PDGFRL: variants seen among roughly 807,000 people sequenced by gnomAD.
The protein encoded by PDGFRL is platelet-derived growth factor receptor-like protein.
Under a neutral mutation model 37.2 loss-of-function variants are expected in PDGFRL, and 46 were observed. The observed-to-expected ratio is 1.24, with a 90% CI of 0.98 to 1.58. The LOEUF (loss-of-function observed/expected upper bound fraction) is 1.58, where lower values mean the gene tolerates loss of function less well. PDGFRL is among the 40% of genes most tolerant of loss of function. PDGFRL has a pLI of 0.00. For synonymous variants in PDGFRL, 251 were observed against 184.3 expected (o/e 1.36, Z -2.93); for missense variants, 692 against 467.6 (o/e 1.48, Z -4.43).
At chr8:17,582,578 C>T (rs1470197669) in intron 1 of PDGFRL, among the ~76,000 whole-genome samples, 2 of 27,950 alleles carry the variant, frequency 7.2e-5, no homozygotes, top group Admixed American at 6.5e-4. Context: ...GAGACTCTGT[C>T]TCAAAAAAAA....
intron 5 of PDGFRL, among the ~76,000 whole-genome samples, chr8:17,641,159 G>C (rs1336298197): frequency 1.3e-5 from 2 of 152,144 alleles, no homozygotes; most frequent in Non-Finnish European, 2.9e-5. Flanking sequence ...CTAGGCAGTG[G>C]ATGAGCAGGG....
intron 2 of PDGFRL, 109 bp from the exon 3 acceptor site, chr8:17,620,942 G>A (rs1804617272): frequency 1.7e-6 from 1 of 581,398 alleles, no homozygotes; most frequent in Non-Finnish European, 2.8e-6. Flanking sequence ...TATGACATCG[G>A]AGAAAGATTG....
intron 2 of PDGFRL, among the ~76,000 whole-genome samples, chr8:17,593,775 C>A (rs1803993082): frequency 6.6e-6 from 1 of 151,714 alleles, no homozygotes; most frequent in South Asian, 2.1e-4. Flanking sequence ...ACTGTAATTC[C>A]AGCTAGGGAG....
chr8:17,594,332 C>T (rs1036046175), intron 2 of PDGFRL, among the ~76,000 whole-genome samples: 4 of 151,204 alleles, frequency 2.6e-5, no homozygotes, highest in African/African-American at 9.7e-5. Context: ...CTTCCGCCTC[C>T]CAGGTTCAAG....
At chr8:17,637,188 T>C (rs888189997) in intron 5 of PDGFRL, among the ~76,000 whole-genome samples, 1 of 152,248 alleles carries the variant, frequency 6.6e-6, no homozygotes, top group Non-Finnish European at 1.5e-5. Flanking sequence ...GTTGCAGTTC[T>C]CAGGGGAAAT....
intron 1 of PDGFRL, among the ~76,000 whole-genome samples, chr8:17,582,905 C>T (rs1365733093): frequency 6.6e-6 from 1 of 152,132 alleles, no homozygotes; most frequent in Non-Finnish European, 1.5e-5. Flanking sequence ...TGCTGCTCTT[C>T]TGCCGTGCAC....
chr8:17,590,207 C>T (rs563362117), intron 2 of PDGFRL, among the ~76,000 whole-genome samples: 5 of 80,966 alleles, frequency 6.2e-5, no homozygotes, highest in African/African-American at 1.8e-4. Flanking sequence ...CTCCATCCAG[C>T]CTGGGTGACA....
chr8:17,581,712 T>C (rs1803712117), intron 1 of PDGFRL, among the ~76,000 whole-genome samples: 1 of 152,164 alleles, frequency 6.6e-6, no homozygotes, highest in Non-Finnish European at 1.5e-5. Flanking sequence ...CTAGTTATCG[T>C]TGCCCTCTGC....
At chr8:17,604,657 G>C (rs1804234912) in intron 2 of PDGFRL, among the ~76,000 whole-genome samples, 1 of 152,060 alleles carries the variant, frequency 6.6e-6, no homozygotes, top group Admixed American at 6.6e-5. Context: ...AATGGGTGCA[G>C]CATACCAGCA....
chr8:17,617,037 G>A (rs1804544578), intron 2 of PDGFRL, among the ~76,000 whole-genome samples: 1 of 152,188 alleles, frequency 6.6e-6, no homozygotes, highest in African/African-American at 2.4e-5. Flanking sequence ...AGCAGCCTGG[G>A]CTAAATACAG....
chr8:17,598,057 A>C (rs368788951), intron 2 of PDGFRL, among the ~76,000 whole-genome samples: 1 of 152,230 alleles, frequency 6.6e-6, no homozygotes, highest in Non-Finnish European at 1.5e-5. Flanking sequence ...TATTATATAA[A>C]TAACTTGATC....
chr8:17,616,494 C>T (rs1282547281), intron 2 of PDGFRL, among the ~76,000 whole-genome samples: 1 of 152,170 alleles, frequency 6.6e-6, no homozygotes, highest in Non-Finnish European at 1.5e-5. Flanking sequence ...GCGCCTGGCC[C>T]AAGTTCATGA....
chr8:17,607,348 C>T (rs143832830), intron 2 of PDGFRL, among the ~76,000 whole-genome samples: 133 of 152,116 alleles, frequency 8.7e-4, no homozygotes, highest in African/African-American at 2.5e-3. Flanking sequence ...TTGGGGAAAA[C>T]GTCTTCTGCT....
At chr8:17,610,736 C>T (rs1268770510) in intron 2 of PDGFRL, among the ~76,000 whole-genome samples, 1 of 152,148 alleles carries the variant, frequency 6.6e-6, no homozygotes, top group African/African-American at 2.4e-5. Context: ...TATGGTGAAA[C>T]CCCGTCACTA....
intron 1 of PDGFRL, among the ~76,000 whole-genome samples, chr8:17,581,481 C>T (rs1803706312): frequency 6.6e-6 from 1 of 152,058 alleles, no homozygotes; most frequent in Non-Finnish European, 1.5e-5. Flanking sequence ...TATGGTTTGC[C>T]CCCACCACAT....
chr8:17,580,523 T>G (rs888547430), intron 1 of PDGFRL, among the ~76,000 whole-genome samples: 1 of 152,110 alleles, frequency 6.6e-6, no homozygotes, highest in African/African-American at 2.4e-5. Context: ...AGAGATCTGG[T>G]GGTCAGAGGA....
chr8:17,642,699 T>A lies in PDGFRL; in HGVS notation c.1026T>A (p.Ile342=). The change falls in exon 6 of 6, where the codon ATT becomes ATA. Residue 342 remains isoleucine (I), a synonymous_variant. Transcript: ENST00000251630. The stretch of plus-strand genomic sequence containing the variant: ...CCACGAGAATCTCCCAGAGTGTCAT[T>A]ACAGTGGAAGACTTTGAGACGATTG... ...GHTTRISQSV[I]TVEDFETIDA... The A allele has an allele frequency of 6.2e-7, 1 of 1,603,218 alleles. No individual in the cohort carries two copies. Among genetic ancestry groups the A allele is most frequent in the Non-Finnish European group, 8.5e-7 (1 of 1,169,976 alleles).
At chr8:17,577,136 A>C, upstream of PDGFRL, 1 of 1,416,326 alleles carries the variant, frequency 7.1e-7, no homozygotes, top group Non-Finnish European at 9.4e-7. Flanking sequence ...CCTCCTGAAG[A>C]AACCGAATCC....
intron 2 of PDGFRL, among the ~76,000 whole-genome samples, chr8:17,597,012 G>GT (rs1372928295): frequency 2.5e-4 from 37 of 147,396 alleles, no homozygotes; most frequent in Non-Finnish European, 4.7e-4. Context: ...AAGCCTTGTA[G>GT]TTTTTTTTGT....
Sources: gnomAD v4.1 joint callset for allele counts (sites outside exome capture counted in the v4.1 genomes callset) on GRCh38, gnomAD v4.1.1 for gene constraint, MANE v1.5 for transcripts, NCBI Gene and HGNC (gene_info 2026-07-23, HGNC 2026-07-21) for gene names.